The following DGKI variants were observed in gnomAD, a reference collection of about 807,000 sequenced individuals.
DGKI encodes the protein DAG kinase iota.
DGKI carries 55 observed loss-of-function variants against 147.5 expected under a neutral mutation model. The ratio of observed to expected loss-of-function variants is 0.37; its 90% CI spans 0.30 to 0.47. The LOEUF (loss-of-function observed/expected upper bound fraction) is 0.47. DGKI is among the 20% of genes least tolerant of loss of function. DGKI has a pLI of 1.00. For missense variants in DGKI, 1,007 were observed against 1,323.8 expected (o/e 0.76, Z 3.71); for synonymous variants, 469 against 477.1 (o/e 0.98, Z 0.22).
rs1446801351 is a variant in DGKI, at chr7:137,432,097, T to A, written c.2761+11980A>T. On this transcript the variant is annotated intron_variant, in intron 28 of 32. Transcript: ENST00000614521. ...CTTTCTCTTCCTCCTGCTCCAGCCA[T>A]GTAGGATGTGCCTGCTTCCCCTTCG... Among the ~76,000 whole-genome samples, 4 of 152,192 alleles carry A rather than the reference T, an allele frequency of 2.6e-5. No homozygotes were observed. The South Asian group carries it at 8.3e-4, about 32-fold the overall frequency.
At chr7:137,713,815 T>C (rs998816313) in intron 1 of DGKI, among the ~76,000 whole-genome samples, 14 of 152,166 alleles carry the variant, frequency 9.2e-5, no homozygotes, top group African/African-American at 3.1e-4. Context: ...CTTATCTATT[T>C]ATTTGTAGAT....
intron 3 of DGKI, among the ~76,000 whole-genome samples, chr7:137,661,209 G>A (rs1264136104): frequency 6.6e-6 from 1 of 152,146 alleles, no homozygotes; most frequent in Non-Finnish European, 1.5e-5. Flanking sequence ...GATGGGACAT[G>A]GGGAAGGCAG....
At chr7:137,412,105 T>C in intron 29 of DGKI, 65 bp downstream of exon 29, 1 of 1,425,378 alleles carries the variant, frequency 7.0e-7, no homozygotes, top group Non-Finnish European at 9.9e-7. Context: ...AGAGTTTTGA[T>C]GAGGAATGAT....
At chr7:137,768,276 C>G (rs1563188877) in intron 1 of DGKI, among the ~76,000 whole-genome samples, 1 of 152,122 alleles carries the variant, frequency 6.6e-6, no homozygotes, top group Non-Finnish European at 1.5e-5. Context: ...ATAGTATAAA[C>G]ATAGTATTTA....
intron 31 of DGKI, among the ~76,000 whole-genome samples, chr7:137,396,313 A>G (rs553000436): frequency 6.6e-6 from 1 of 152,276 alleles, no homozygotes; most frequent in East Asian, 1.9e-4. Flanking sequence ...AGAGTTTGAG[A>G]GCCAGGGCTC....
intron 1 of DGKI, among the ~76,000 whole-genome samples, chr7:137,745,324 T>C (rs144065162): frequency 2.0e-5 from 3 of 152,238 alleles, no homozygotes; most frequent in African/African-American, 7.2e-5. Flanking sequence ...AATCACCCAG[T>C]ATAAAACCTT....
intron 12 of DGKI, among the ~76,000 whole-genome samples, chr7:137,590,616 C>T (rs1303293695): frequency 1.3e-5 from 2 of 152,142 alleles, no homozygotes; most frequent in Non-Finnish European, 2.9e-5. Context: ...TAATTCACTG[C>T]CCATGGAACA....
At chr7:137,399,659 C>T (rs1420535554) in intron 30 of DGKI, among the ~76,000 whole-genome samples, 1 of 152,204 alleles carries the variant, frequency 6.6e-6, no homozygotes, top group Non-Finnish European at 1.5e-5. Context: ...CCTGTTATCC[C>T]AGCACTTTGG....
At chr7:137,623,881 G>A (rs931835854) in intron 6 of DGKI, among the ~76,000 whole-genome samples, 1 of 151,956 alleles carries the variant, frequency 6.6e-6, no homozygotes, top group East Asian at 1.9e-4. Flanking sequence ...ATAACCAAAG[G>A]AAAAGCCATT....
intron 6 of DGKI, among the ~76,000 whole-genome samples, chr7:137,643,966 A>T (rs1821741846): frequency 6.6e-6 from 1 of 152,170 alleles, no homozygotes; most frequent in African/African-American, 2.4e-5. Context: ...TGACCCAAAA[A>T]ATGGCTATGC....
At position 137,391,219 on chromosome 7, in the gene DGKI, G is replaced by A. The variant is rs772499785; in HGVS notation, c.*1C>T. 3 of 1,612,232 alleles carry A rather than the reference G, an allele frequency of 1.9e-6. No homozygotes were observed. The highest frequency in any genetic ancestry group is 2.5e-6 in the Non-Finnish European group (3 of 1,178,396). On this transcript the variant is annotated 3_prime_UTR_variant, in exon 33 of 33. Coordinates refer to ENST00000614521, the MANE Select transcript of DGKI (RefSeq NM_001321708.2). ...ATGTCCTCTTTGCCCGAATACCAGGGTCAAACAGCAGTTTCCAGGTCCTCA... is the reference window on the plus strand; with the variant it reads ...ATGTCCTCTTTGCCCGAATACCAGGATCAAACAGCAGTTTCCAGGTCCTCA...
At chr7:137,842,574 C>A (rs1393724067) in intron 1 of DGKI, among the ~76,000 whole-genome samples, 4 of 152,174 alleles carry the variant, frequency 2.6e-5, no homozygotes, top group African/African-American at 4.8e-5. Context: ...CTTCATCACT[C>A]ATTCTGTGCT....
At chr7:137,461,469 A>G (rs1814438805) in intron 27 of DGKI, among the ~76,000 whole-genome samples, 1 of 152,260 alleles carries the variant, frequency 6.6e-6, no homozygotes, top group South Asian at 2.1e-4. Context: ...TCTGAAGGAA[A>G]TAAAAAGATA....
intron 1 of DGKI, among the ~76,000 whole-genome samples, chr7:137,810,552 T>C (rs1165257240): frequency 2.0e-5 from 3 of 152,182 alleles, no homozygotes. Flanking sequence ...TCCCTGACTA[T>C]GGATCATTGT....
intron 5 of DGKI, among the ~76,000 whole-genome samples, chr7:137,654,249 C>A (rs1237968236): frequency 6.6e-6 from 1 of 152,112 alleles, no homozygotes; most frequent in Non-Finnish European, 1.5e-5. Flanking sequence ...AGGTGAGACG[C>A]CCAAGATCAC....
intron 1 of DGKI, among the ~76,000 whole-genome samples, chr7:137,781,340 T>C (rs972904910): frequency 6.6e-6 from 1 of 152,188 alleles, no homozygotes; most frequent in African/African-American, 2.4e-5. Flanking sequence ...GGAGGGTATG[T>C]TCTTTTTGGG....
chr7:137,442,634 G>C (rs1397255179), intron 28 of DGKI, among the ~76,000 whole-genome samples: 1 of 152,206 alleles, frequency 6.6e-6, no homozygotes, highest in East Asian at 1.9e-4. Context: ...TCAATTGCCT[G>C]ATCCTGACTT....
At chr7:137,556,463 C>T (rs370041277) in intron 19 of DGKI, among the ~76,000 whole-genome samples, 2 of 151,980 alleles carry the variant, frequency 1.3e-5, no homozygotes, top group East Asian at 1.9e-4. Flanking sequence ...CACAAAAATT[C>T]CAAGAAAATT....
chr7:137,775,587 T>C (rs888543910), intron 1 of DGKI, among the ~76,000 whole-genome samples: 6 of 152,228 alleles, frequency 3.9e-5, no homozygotes, highest in Non-Finnish European at 8.8e-5. Context: ...TAGTTACTTA[T>C]AAGTGGGCAA....
Sources: allele counts gnomAD v4.1 joint callset (sites outside exome capture counted in the v4.1 genomes callset), GRCh38; gene constraint gnomAD v4.1.1; transcripts MANE v1.5; gene names NCBI Gene and HGNC (gene_info 2026-07-23, HGNC 2026-07-21).